Variants in CENPE observed in about 807,000 individuals in gnomAD.
CENPE encodes the protein centromere-associated protein E.
In CENPE, 145 loss-of-function variants were observed where a neutral mutation model predicts 336.1. That is an observed-to-expected ratio of 0.43 (90% CI 0.38 to 0.50). The LOEUF (loss-of-function observed/expected upper bound fraction) is 0.50. Ranked by LOEUF, CENPE falls within the 20% of genes least tolerant of loss-of-function variation. The pLI is 0.00. For missense variants in CENPE, 2,719 were observed against 3,023.3 expected, an observed-to-expected ratio of 0.90 and a Z score of 2.36; for synonymous variants, 1,013 against 984.8, an observed-to-expected ratio of 1.03 and a Z score of -0.54.
intron 46 of CENPE, among the ~76,000 whole-genome samples, chr4:103,112,813 T>C (rs1400860347): frequency 5.1e-4 from 17 of 33,634 alleles, no homozygotes; most frequent in East Asian, 1.6e-3. Context: ...TATAAGTGTA[T>C]ATATATACTT....
Position 103,147,446 on chromosome 4 carries a change from G to A in CENPE, c.4044C>T (p.Thr1348=). The change falls in exon 29 of 49, where the codon ACC becomes ACT. Residue 1348 remains threonine (T), a synonymous_variant. Transcript: ENST00000265148. ...QESQEEIKSL[T]KERDNLKTIK... is the part of the protein sequence containing the mutation. ...TCGTTTTAAGGTTGTCTCTTTCCTTGGTTAGAGATTTTATCTCTTCCTGAC... is the reference window on the plus strand; with the variant it reads ...TCGTTTTAAGGTTGTCTCTTTCCTTAGTTAGAGATTTTATCTCTTCCTGAC... 6.2e-7 allele frequency: 1 copy of A among 1,613,826 alleles called. No homozygotes were observed. The highest frequency in any genetic ancestry group is 8.5e-7 in the Non-Finnish European group (1 of 1,179,884).
In CENPE at chr4:103,190,591, TG is replaced by T. The variant is rs540727922; in HGVS notation, c.693+3637del. Reference sequence around the variant, plus strand: ...GTGCTGGGAAAACTGGCTAGCCATATGTAGAAAGCTGAAACCAGATCCCTTC... The same window carrying T: ...GTGCTGGGAAAACTGGCTAGCCATATTAGAAAGCTGAAACCAGATCCCTTC... On this transcript the variant is annotated intron_variant, in intron 8 of 48. Coordinates refer to ENST00000265148, the MANE Select transcript of CENPE (RefSeq NM_001813.3). Among the ~76,000 whole-genome samples the T allele has an allele frequency of 4.6e-3, 708 of 152,338 alleles. 9 individuals are homozygous for T. Among genetic ancestry groups the T allele is most frequent in the African/African-American group, 0.017 (692 of 41,572 alleles).
rs1752048258 is a variant in CENPE, at chr4:103,136,125, C to G, written c.6522+16G>C. On this transcript the variant is annotated intron_variant, in intron 40 of 48. Coordinates refer to ENST00000265148, the MANE Select transcript of CENPE (RefSeq NM_001813.3). ...AACTGAAATATTTAAAAGGATATTA[C>G]TAAAAAAGATGGTACCTTCAGTTTC... The G allele has an allele frequency of 6.3e-7, 1 of 1,591,064 alleles. No homozygotes were observed. Among genetic ancestry groups the G allele is most frequent in the South Asian group, 1.1e-5 (1 of 88,780 alleles).
At chr4:103,164,040 T>C (rs554517845) in intron 16 of CENPE, among the ~76,000 whole-genome samples, 1 of 152,274 alleles carries the variant, frequency 6.6e-6, no homozygotes, top group South Asian at 2.1e-4. Context: ...ATTTGGAATC[T>C]AGGTTTGGAT....
chr4:103,193,899 C>G (rs2126056555), intron 8 of CENPE, among the ~76,000 whole-genome samples: 1 of 152,112 alleles, frequency 6.6e-6, no homozygotes, highest in South Asian at 2.1e-4. Flanking sequence ...CCCTCAAATT[C>G]TAAGATGATC....
rs1026193162 is a variant in CENPE, at chr4:103,175,835, G to A, written c.1479+125C>T. On this transcript the variant is annotated intron_variant, in intron 15 of 48. Coordinates refer to ENST00000265148, the MANE Select transcript of CENPE (RefSeq NM_001813.3). ...GATGGTTATAGAGTAGAAATGTAAAGAGAAAAGCCTTCATTAGAGCCAAAA... is the reference window on the plus strand; with the variant it reads ...GATGGTTATAGAGTAGAAATGTAAAAAGAAAAGCCTTCATTAGAGCCAAAA... 5.2e-6 allele frequency: 3 copies of A among 571,476 alleles called. No individual in the cohort carries two copies. In the African/African-American group the frequency reaches 5.9e-5, roughly 11 times the overall value. 35.4% of individuals were successfully genotyped at this position (571,476 alleles called of 1,614,324 possible).
rs764962600 is a variant in CENPE, at chr4:103,138,359, T to G, written c.6295A>C (p.Arg2099=). 3.1e-6 allele frequency: 5 copies of G among 1,606,964 alleles called. No homozygotes were observed. The South Asian group carries it at 4.4e-5, about 14-fold the overall frequency. Reference sequence around the variant, plus strand: ...TAACAGGGGGTACTTACTTTTATTCTAGAGCACTTTTCTCTCAGGCTTTCC... The same window carrying G: ...TAACAGGGGGTACTTACTTTTATTCGAGAGCACTTTTCTCTCAGGCTTTCC... ...LTESLREKCS[R]IKELLKRYSE... is the part of the protein sequence containing the mutation. Residue 2099 remains arginine (R), a synonymous_variant, in exon 39 of 49, where the codon AGA becomes CGA. Coordinates refer to ENST00000265148, the MANE Select transcript of CENPE (RefSeq NM_001813.3).
At chr4:103,181,167 G>A (rs1430505309) in intron 12 of CENPE, among the ~76,000 whole-genome samples, 170 bp downstream of exon 12, 1 of 152,068 alleles carries the variant, frequency 6.6e-6, no homozygotes, top group East Asian at 1.9e-4. Context: ...ACAATTTATA[G>A]TAAATTAAAC....
At chr4:103,170,563 A>G (rs1216396725) in intron 16 of CENPE, among the ~76,000 whole-genome samples, 1 of 152,246 alleles carries the variant, frequency 6.6e-6, no homozygotes, top group Non-Finnish European at 1.5e-5. Context: ...CTAAAAATAG[A>G]AAGGTATCAA....
In CENPE at chr4:103,114,445, T is replaced by G. The variant is rs754135618; in HGVS notation, c.7540+10A>C. Reference sequence around the variant, plus strand: ...AATTTCATCTGAAAATATCTGCATTTTCTACTTACCTGAGGTATCTTGGGC... The same window carrying G: ...AATTTCATCTGAAAATATCTGCATTGTCTACTTACCTGAGGTATCTTGGGC... On this transcript the variant is annotated intron_variant, in intron 46 of 48. Transcript: ENST00000265148. The G allele has an allele frequency of 2.0e-6, 3 of 1,519,704 alleles. No homozygotes were observed. Among genetic ancestry groups the G allele is most frequent in the East Asian group, 4.5e-5 (2 of 44,424 alleles). The allele number at this position is 1,519,704 out of a possible 1,614,324, so 94.1% of individuals were successfully genotyped here.
chr4:103,165,922 A>T (rs1388951077), intron 16 of CENPE, among the ~76,000 whole-genome samples: 4 of 151,780 alleles, frequency 2.6e-5, no homozygotes, highest in East Asian at 1.9e-4. Context: ...ATTTAAAAAG[A>T]ACGGAGTAGG....
chr4:103,187,871 C>T (rs1756936407), intron 8 of CENPE, among the ~76,000 whole-genome samples: 1 of 152,044 alleles, frequency 6.6e-6, no homozygotes, highest in East Asian at 1.9e-4. Context: ...ATAGTCAAGA[C>T]CCATCAGTGT....
intron 8 of CENPE, among the ~76,000 whole-genome samples, chr4:103,187,275 T>C (rs567774236): frequency 6.6e-6 from 1 of 152,254 alleles, no homozygotes; most frequent in African/African-American, 2.4e-5. Flanking sequence ...TTACGTTTTA[T>C]CAAATTCAGG....
At chr4:103,170,300 C>T (rs903653423) in intron 16 of CENPE, among the ~76,000 whole-genome samples, 1 of 151,894 alleles carries the variant, frequency 6.6e-6, no homozygotes, top group Non-Finnish European at 1.5e-5. Flanking sequence ...ACAACAACAA[C>T]AACAAAGAGG....
At position 103,122,820 on chromosome 4, in the gene CENPE, A is replaced by G. The variant is rs749756945; in HGVS notation, c.7143+51T>C. On this transcript the variant is annotated intron_variant, in intron 43 of 48. Coordinates refer to ENST00000265148, the MANE Select transcript of CENPE (RefSeq NM_001813.3). ...AGTAAATACTATAATTTTGCTCTAA[A>G]CTCTGTGATGAAGCTGCAAACTGAA... 3 of 1,386,478 alleles carry G rather than the reference A, an allele frequency of 2.2e-6. No homozygotes were observed. The Admixed American group carries it at 5.2e-5, about 24-fold the overall frequency. 85.9% of individuals were successfully genotyped at this position (1,386,478 alleles called of 1,614,324 possible). A position where few individuals can be genotyped will look rare whatever the true frequency, so the allele number is the denominator to read the frequency against.
chr4:103,163,502 C>T lies in CENPE; in HGVS notation c.1699G>A (p.Glu567Lys). 1 of 1,593,574 alleles carries T rather than the reference C, an allele frequency of 6.3e-7. No individual in the cohort carries two copies. The highest frequency in any genetic ancestry group is 8.5e-7 in the Non-Finnish European group (1 of 1,172,202). The change falls in exon 17 of 49, where the codon GAA (glutamate) becomes AAA (lysine). Residue 567 changes from glutamate to lysine, a missense_variant. This residue lies in a region of CENPE where 2,437 missense variants were observed against 2,513.3 expected (regional missense o/e 0.97). Transcript: ENST00000265148. ...SNLKNLVKHA[E>K]VYNQDLENEL... ...ACCTCAAGATCTTGATTATATACTT[C>T]TGCATGCTTAACTAAATTCTTTAAG...
At chr4:103,112,196 A>G (rs1749504882) in intron 46 of CENPE, among the ~76,000 whole-genome samples, 1 of 149,400 alleles carries the variant, frequency 6.7e-6, no homozygotes, top group South Asian at 2.1e-4. Context: ...ATCCTGTAAC[A>G]TATAATATAC....
At position 103,149,149 on chromosome 4, in the gene CENPE, A is replaced by C; in HGVS notation, c.3656T>G (p.Leu1219Arg). ...TTCAATTTCTCTTATATATCCTCTA[A>C]GGTGGTCTCTCTCTGTTTCAAATGA... is the stretch of plus-strand genomic sequence containing the variant. ...QKSFETERDHLRGYIREIEAT... is the reference protein window; with the variant it reads ...QKSFETERDHRRGYIREIEAT... The change falls in exon 27 of 49, where the codon CTT becomes CGT. Residue 1219 changes from leucine (L) to arginine (R), a missense_variant. Transcript: ENST00000265148. 2 of 1,605,886 alleles carry C rather than the reference A, an allele frequency of 1.2e-6. No individual in the cohort carries two copies. Among genetic ancestry groups the C allele is most frequent in the Non-Finnish European group, 1.7e-6 (2 of 1,178,610 alleles).
At chr4:103,142,426 G>A (rs1171147916) in intron 34 of CENPE, among the ~76,000 whole-genome samples, 1 of 152,166 alleles carries the variant, frequency 6.6e-6, no homozygotes, top group Non-Finnish European at 1.5e-5. Flanking sequence ...GTTCATTGCT[G>A]TAAGAACACA....
Sources: allele counts gnomAD v4.1 joint callset (sites outside exome capture counted in the v4.1 genomes callset), GRCh38; gene constraint gnomAD v4.1.1; regional missense constraint gnomAD v4.1.1; transcripts MANE v1.5; gene names NCBI Gene and HGNC (gene_info 2026-07-23, HGNC 2026-07-21).